The following ZNF804B variants were observed in gnomAD, a reference collection of about 807,000 sequenced individuals.
ZNF804B encodes the protein zinc finger 804B.
Under a neutral mutation model 101.4 loss-of-function variants are expected in ZNF804B, and 80 were observed. That is an observed-to-expected ratio of 0.79 (90% confidence interval 0.66 to 0.95). The LOEUF is 0.95. ZNF804B is among the 40% of genes least tolerant of loss of function. The pLI is 0.00. For missense variants in ZNF804B, 1,673 were observed against 1,561.9 expected (o/e 1.07, Z -1.20); for synonymous variants, 622 against 558.8 (o/e 1.11, Z -1.59).
chr7:88,800,898 A>C (rs1388227887), intron 1 of ZNF804B, among the ~76,000 whole-genome samples: 1 of 152,072 alleles, frequency 6.6e-6, no homozygotes, highest in Non-Finnish European at 1.5e-5. Flanking sequence ...AAAATGTCTA[A>C]GTTAGTAGGC....
rs1791072103 is a variant in ZNF804B, at chr7:89,335,784, C to G, written c.2802C>G (p.Ala934=). Residue 934 remains alanine (A), a synonymous_variant, in exon 4 of 4, where the codon GCC becomes GCG. Coordinates refer to ENST00000333190, the MANE Select transcript of ZNF804B (RefSeq NM_181646.5). Reference sequence around the variant, plus strand: ...AAATCCTTTTAGAAAGAGTACAAGCCAAGAAATGTCAAGAACAATCAAGTA... The same window carrying G: ...AAATCCTTTTAGAAAGAGTACAAGCGAAGAAATGTCAAGAACAATCAAGTA... ...TAKILLERVQ[A]KKCQEQSSNV... is the part of the protein sequence containing the mutation. 3.1e-6 allele frequency: 5 copies of G among 1,613,914 alleles called. No individual in the cohort carries two copies. In the East Asian group the frequency reaches 6.7e-5, roughly 22 times the overall value.
intron 1 of ZNF804B, among the ~76,000 whole-genome samples, chr7:89,071,412 T>C (rs1474901825): frequency 6.6e-6 from 1 of 152,158 alleles, no homozygotes; most frequent in African/African-American, 2.4e-5. Context: ...GTATAGAAAG[T>C]GTGTTTTTAA....
At chr7:89,318,583 C>T (rs994290021) in intron 2 of ZNF804B, among the ~76,000 whole-genome samples, 3 of 152,080 alleles carry the variant, frequency 2.0e-5, no homozygotes, top group Non-Finnish European at 2.9e-5. Context: ...GCCAACATGG[C>T]GAAACCCTGT....
chr7:89,095,530 A>G (rs1267477111), intron 1 of ZNF804B, among the ~76,000 whole-genome samples: 3 of 152,302 alleles, frequency 2.0e-5, no homozygotes, highest in Admixed American at 6.5e-5. Context: ...TGGATTAGTG[A>G]TTATGTAGTC....
intron 2 of ZNF804B, among the ~76,000 whole-genome samples, chr7:89,270,262 C>A (rs927774496): frequency 1.3e-5 from 2 of 152,308 alleles, no homozygotes; most frequent in Middle Eastern, 3.4e-3. Context: ...AGGAAGGGAT[C>A]CACTTTCAGC....
chr7:88,875,404 A>G (rs1293714792), intron 1 of ZNF804B, among the ~76,000 whole-genome samples: 1 of 152,092 alleles, frequency 6.6e-6, no homozygotes, highest in African/African-American at 2.4e-5. Context: ...AAAATTGATA[A>G]ACTGCTAGCA....
rs76328821 is a variant in ZNF804B, at chr7:88,810,497, C to CAA, written c.108+50427_108+50428dup. Among the ~76,000 whole-genome samples the CAA allele has an allele frequency of 5.3e-5, 7 of 132,404 alleles. No homozygotes were observed. In the Admixed American group the frequency reaches 5.3e-4, roughly 10 times the overall value. 86.9% of individuals were successfully genotyped at this position (132,404 alleles called of 152,430 possible). A position where few individuals can be genotyped will look rare whatever the true frequency, so the allele number is the denominator to read the frequency against. On this transcript the variant is annotated intron_variant, in intron 1 of 3. Coordinates refer to ENST00000333190, the MANE Select transcript of ZNF804B (RefSeq NM_181646.5). ...GCAAAACCTCATCTCTACAAAAGTC[C>CAA]AAAAAAAAAAAAAAATTATCAAGGT...
chr7:88,910,029 T>G (rs1208455950), intron 1 of ZNF804B, among the ~76,000 whole-genome samples: 1 of 151,848 alleles, frequency 6.6e-6, no homozygotes, highest in Non-Finnish European at 1.5e-5. Flanking sequence ...ACATAAAACA[T>G]GTATATATTA....
chr7:88,851,503 A>G (rs1415669952), intron 1 of ZNF804B, among the ~76,000 whole-genome samples: 1 of 152,102 alleles, frequency 6.6e-6, no homozygotes, highest in Non-Finnish European at 1.5e-5. Flanking sequence ...CAAAGAAACC[A>G]TAATCTAGAA....
chr7:89,327,326 T>C lies in ZNF804B; in HGVS notation c.250-18T>C, dbSNP rs1378873448. 1.9e-6 allele frequency: 3 copies of C among 1,573,430 alleles called. No individual in the cohort carries two copies. The African/African-American group carries it at 4.2e-5, about 22-fold the overall frequency. On this transcript the variant is annotated intron_variant, in intron 2 of 3. Transcript: ENST00000333190. ...TTATTTATTTATAGTACCTTTTTGG[T>C]TTTTCTTCTTTTTCAAGAGACTGAA...
At chr7:89,233,982 A>G (rs377017883) in intron 2 of ZNF804B, among the ~76,000 whole-genome samples, 2 of 152,184 alleles carry the variant, frequency 1.3e-5, no homozygotes, top group African/African-American at 4.8e-5. Context: ...AAGCCTTAGC[A>G]TTTTCCACAA....
At chr7:88,877,686 G>T (rs960683048) in intron 1 of ZNF804B, among the ~76,000 whole-genome samples, 2 of 152,118 alleles carry the variant, frequency 1.3e-5, no homozygotes, top group African/African-American at 4.8e-5. Context: ...GTGAGTAGAA[G>T]ATTAAATGTG....
intron 1 of ZNF804B, among the ~76,000 whole-genome samples, chr7:88,842,024 C>A (rs2115807038): frequency 6.6e-6 from 1 of 152,262 alleles, no homozygotes; most frequent in African/African-American, 2.4e-5. Flanking sequence ...CTCAGCTATG[C>A]TCTGCTTTCT....
intron 1 of ZNF804B, among the ~76,000 whole-genome samples, chr7:89,112,703 G>T (rs1011883877): frequency 4.0e-5 from 6 of 149,144 alleles, no homozygotes; most frequent in Non-Finnish European, 7.5e-5. Context: ...TATAGATCAA[G>T]TTGGGAAGAA....
intron 1 of ZNF804B, among the ~76,000 whole-genome samples, chr7:89,084,122 T>A (rs1789738956): frequency 6.6e-6 from 1 of 151,938 alleles, no homozygotes; most frequent in African/African-American, 2.4e-5. Flanking sequence ...ACAAAGAAGC[T>A]TGATCTATAG....
intron 1 of ZNF804B, among the ~76,000 whole-genome samples, chr7:89,200,332 C>G (rs376778796): frequency 5.0e-4 from 76 of 151,956 alleles, no homozygotes; most frequent in African/African-American, 1.7e-3. Context: ...TCCTATAGCC[C>G]CTAACACAGT....
intron 1 of ZNF804B, among the ~76,000 whole-genome samples, chr7:89,091,060 C>T (rs537742819): frequency 6.6e-6 from 1 of 152,100 alleles, no homozygotes; most frequent in East Asian, 1.9e-4. Context: ...ATTTATCTTT[C>T]CTGTTTTCTT....
chr7:88,959,595 G>A (rs1793361545), intron 1 of ZNF804B, among the ~76,000 whole-genome samples: 1 of 151,236 alleles, frequency 6.6e-6, no homozygotes, highest in South Asian at 2.1e-4. Context: ...CTGATACCTG[G>A]TTTCTGCCAA....
chr7:89,112,891 T>C (rs1358270247), intron 1 of ZNF804B, among the ~76,000 whole-genome samples: 1 of 152,178 alleles, frequency 6.6e-6, no homozygotes, highest in Non-Finnish European at 1.5e-5. Flanking sequence ...AGATGTTAGA[T>C]ATTTAGAATT....
Sources: allele counts gnomAD v4.1 joint callset (sites outside exome capture counted in the v4.1 genomes callset), GRCh38; gene constraint gnomAD v4.1.1; transcripts MANE v1.5; gene names NCBI Gene and HGNC (gene_info 2026-07-23, HGNC 2026-07-21).